HDAC9: variants seen among roughly 807,000 people sequenced by gnomAD.
HDAC9 encodes histone deacetylase 9.
HDAC9 carries 41 observed loss-of-function variants against 139.4 expected under a neutral mutation model. The observed-to-expected ratio is 0.29, with a 90% confidence interval of 0.23 to 0.38. The LOEUF (loss-of-function observed/expected upper bound fraction) is 0.38. Ranked by LOEUF, HDAC9 falls within the 10% of genes least tolerant of loss-of-function variation. The probability of loss-of-function intolerance (pLI) is 1.00; values close to 1 mark genes in which losing one functional copy is unlikely to be tolerated. For synonymous variants in HDAC9, 517 were observed against 476.2 expected (o/e 1.09, Z -1.12); for missense variants, 1,147 against 1,297.0 (o/e 0.88, Z 1.78).
At chr7:18,790,425 G>GAA (rs55683243) in intron 16 of HDAC9, among the ~76,000 whole-genome samples, 123,841 of 151,676 alleles carry the variant, frequency 0.82, 51,178 homozygotes, top group Non-Finnish European at 0.85. Context: ...GGATGTAGCA[G>GAA]ATGTGGCCAT....
intron 1 of HDAC9, among the ~76,000 whole-genome samples, chr7:18,161,669 T>A (rs1787636710): frequency 6.6e-6 from 1 of 152,182 alleles, no homozygotes; most frequent in Non-Finnish European, 1.5e-5. Flanking sequence ...ATGGTTGCTA[T>A]TACTTTGGGC....
At chr7:18,594,947 T>C (rs116478262) in intron 6 of HDAC9, among the ~76,000 whole-genome samples, 3,715 of 152,188 alleles carry the variant, frequency 0.024, 153 homozygotes, top group African/African-American at 0.085. Context: ...TTATTTGTTT[T>C]ATATATGAAA....
intron 12 of HDAC9, chr7:18,668,211 G>C (rs1042909353): frequency 5.6e-6 from 5 of 899,150 alleles, no homozygotes; most frequent in Admixed American, 1.2e-4. Flanking sequence ...AAGTTTAAAA[G>C]TTTTCCACAT....
chr7:18,835,873 C>T (rs989840695), intron 20 of HDAC9, 27 bp from the exon 21 acceptor site: 9 of 1,437,636 alleles, frequency 6.3e-6, no homozygotes, highest in Non-Finnish European at 8.6e-6. Flanking sequence ...CTTCTCTGCC[C>T]ACCGTGGTGT....
chr7:18,376,739 T>G (rs1333728569), intron 1 of HDAC9, among the ~76,000 whole-genome samples: 5 of 152,102 alleles, frequency 3.3e-5, no homozygotes, highest in Non-Finnish European at 7.4e-5. Flanking sequence ...ATCTCTAGCC[T>G]AGAACTTCTA....
At chr7:18,841,514 C>T (rs1279253023) in intron 21 of HDAC9, among the ~76,000 whole-genome samples, 2 of 151,986 alleles carry the variant, frequency 1.3e-5, no homozygotes, top group Non-Finnish European at 2.9e-5. Context: ...CAGGCAGTTA[C>T]CACGCTTCTT....
chr7:18,276,428 A>G (rs760464279), intron 2 of HDAC9, among the ~76,000 whole-genome samples: 2 of 152,218 alleles, frequency 1.3e-5, no homozygotes, highest in Non-Finnish European at 2.9e-5. Flanking sequence ...GTCTTGCCTA[A>G]TGCATTCAGT....
chr7:18,589,505 G>T (rs937637895), intron 3 of HDAC9, among the ~76,000 whole-genome samples: 21 of 152,096 alleles, frequency 1.4e-4, no homozygotes, highest in African/African-American at 5.1e-4. Flanking sequence ...CTGCAATCCA[G>T]CCTGGGCAAC....
chr7:18,691,412 G>T (rs1435722145), intron 12 of HDAC9, among the ~76,000 whole-genome samples: 19 of 152,018 alleles, frequency 1.2e-4, no homozygotes, highest in Admixed American at 1.1e-3. Context: ...ATTCATTTAA[G>T]TACCAAAGAG....
At chr7:18,938,772 T>C (rs778461033) in intron 23 of HDAC9, among the ~76,000 whole-genome samples, 2 of 152,204 alleles carry the variant, frequency 1.3e-5, no homozygotes, top group Non-Finnish European at 2.9e-5. Context: ...TGAACATTAA[T>C]AATCTACTGC....
chr7:18,640,250 A>C (rs980724492), intron 8 of HDAC9, among the ~76,000 whole-genome samples: 1 of 150,912 alleles, frequency 6.6e-6, no homozygotes, highest in African/African-American at 2.4e-5. Context: ...GAAAAAAAAA[A>C]ACCTAACAAA....
chr7:18,626,445 G>A (rs949118449), intron 6 of HDAC9, among the ~76,000 whole-genome samples: 6 of 152,286 alleles, frequency 3.9e-5, no homozygotes, highest in Non-Finnish European at 8.8e-5. Context: ...CTGTTGGGGG[G>A]AAAATGAAGA....
At chr7:18,604,588 G>A (rs897976284) in intron 6 of HDAC9, among the ~76,000 whole-genome samples, 1 of 151,688 alleles carries the variant, frequency 6.6e-6, no homozygotes, top group African/African-American at 2.4e-5. Flanking sequence ...TTTTAGTAGA[G>A]ACGGGTTTCA....
rs1181629818 is a variant in HDAC9 at position 18,996,123 on chromosome 7, A to C, written c.*61A>C. 15 of 1,258,330 alleles carry C rather than the reference A, an allele frequency of 1.2e-5. No homozygotes were observed. In the South Asian group the frequency reaches 1.4e-4, roughly 12 times the overall value. The allele number at this position is 1,258,330 out of a possible 1,614,324, so 77.9% of individuals were successfully genotyped here. On this transcript the variant is annotated 3_prime_UTR_variant, in exon 26 of 26. Coordinates refer to ENST00000686413, the MANE Select transcript of HDAC9 (RefSeq NM_178425.4). ...ACATCATTGTGTATCCCCCCACCCCAGTACCCTCAGACATGTCTTGTCTGC... is the reference window on the plus strand; with the variant it reads ...ACATCATTGTGTATCCCCCCACCCCCGTACCCTCAGACATGTCTTGTCTGC...
intron 6 of HDAC9, among the ~76,000 whole-genome samples, chr7:18,608,134 T>C (rs1193181815): frequency 1.3e-5 from 2 of 152,152 alleles, no homozygotes; most frequent in African/African-American, 4.8e-5. Context: ...AATGCATGCA[T>C]TTATATGTCT....
chr7:18,259,876 A>G (rs1795530079), intron 2 of HDAC9, among the ~76,000 whole-genome samples: 1 of 152,246 alleles, frequency 6.6e-6, no homozygotes, highest in Admixed American at 6.5e-5. Context: ...AACATTTTAT[A>G]GTATACCAGT....
Position 18,647,877 on chromosome 7 carries a change from G to T in HDAC9, c.1128G>T (p.Pro376=), listed in dbSNP as rs771090434. 1 of 1,612,586 alleles carries T rather than the reference G, an allele frequency of 6.2e-7. No homozygotes were observed. The highest frequency in any genetic ancestry group is 1.7e-5 in the Admixed American group (1 of 59,830). ...CTGGGCAGTATGGAGGCAGCATCCC[G>T]GCATCTTCCAGCCACCCTCATGTTA... ...PLPGQYGGSI[P]ASSSHPHVTL... Residue 376 remains proline, a synonymous_variant, in exon 10 of 26, where the codon CCG becomes CCT. Transcript: ENST00000686413.
intron 2 of HDAC9, among the ~76,000 whole-genome samples, chr7:18,246,735 A>C (rs537195585): frequency 6.6e-6 from 1 of 152,236 alleles, no homozygotes; most frequent in East Asian, 1.9e-4. Context: ...AATGGAGAAC[A>C]TTCCAGAGTT....
intron 2 of HDAC9, among the ~76,000 whole-genome samples, chr7:18,504,136 G>T (rs111559182): frequency 1.3e-5 from 2 of 152,068 alleles, no homozygotes; most frequent in Admixed American, 6.6e-5. Flanking sequence ...TATTCTTGAT[G>T]ATGCTTTTGA....
Sources: allele counts gnomAD v4.1 joint callset (sites outside exome capture counted in the v4.1 genomes callset), GRCh38; gene constraint gnomAD v4.1.1; transcripts MANE v1.5; gene names NCBI Gene and HGNC (gene_info 2026-07-23, HGNC 2026-07-21).